AHDC1: variants seen among roughly 807,000 people sequenced by gnomAD.
AHDC1 encodes the protein AT-hook DNA binding motif containing 1, also known as transcription factor Gibbin.
Under a neutral mutation model 87.9 loss-of-function variants are expected in AHDC1, and 7 were observed. The ratio of observed to expected loss-of-function variants is 0.08; its 90% CI spans 0.05 to 0.15. AHDC1 has a LOEUF of 0.15. Ranked by LOEUF, AHDC1 falls within the 10% of genes least tolerant of loss-of-function variation. The pLI, the probability that AHDC1 is intolerant of heterozygous loss-of-function variation, is 1.00. For missense variants in AHDC1, 1,841 were observed against 2,253.2 expected (o/e 0.82, Z 3.70); for synonymous variants, 1,051 against 1,006.8 (o/e 1.04, Z -0.83).
chr1:27,557,424 C>T (rs564798849), intron 5 of AHDC1, among the ~76,000 whole-genome samples: 133 of 152,132 alleles, frequency 8.7e-4, no homozygotes, highest in African/African-American at 2.9e-3. Flanking sequence ...CACGCCCCCC[C>T]GCTCCCCGCC....
chr1:27,575,663 C>G (rs1213266480), intron 3 of AHDC1, among the ~76,000 whole-genome samples: 1 of 151,724 alleles, frequency 6.6e-6, no homozygotes, highest in South Asian at 2.1e-4. Context: ...GCCGGCCGGC[C>G]GCGCGGCCCG....
In AHDC1 at chr1:27,595,589, C is replaced by T. The variant is rs1322311457; in HGVS notation, c.-629+7808G>A. On this transcript the variant is annotated intron_variant, in intron 3 of 8. Coordinates refer to ENST00000673934, the MANE Select transcript of AHDC1 (RefSeq NM_001371928.1). The surrounding 1 kb of genome is among the most constrained non-coding windows in gnomAD (Gnocchi z 4.0). ...AAGGTGTTGTGGTTGGTGGAGGATG[C>T]ACTGTGGTTTTGGGGAGGAGCTGGG... 2.0e-5 allele frequency among the ~76,000 whole-genome samples: 3 copies of T among 151,568 alleles called. No homozygotes were observed. Among genetic ancestry groups the T allele is most frequent in the East Asian group, 1.9e-4 (1 of 5,178 alleles).
intron 8 of AHDC1, among the ~76,000 whole-genome samples, chr1:27,542,016 C>A (rs1557649903): frequency 6.6e-6 from 1 of 152,238 alleles, no homozygotes; most frequent in Non-Finnish European, 1.5e-5. Flanking sequence ...ACCTGCAGCA[C>A]TGGATACAAT....
At chr1:27,572,270 G>C (rs1023169647) in intron 3 of AHDC1, among the ~76,000 whole-genome samples, 4 of 152,112 alleles carry the variant, frequency 2.6e-5, no homozygotes, top group Non-Finnish European at 5.9e-5. Flanking sequence ...TGAGAGTGAG[G>C]GGGCTTGAGG....
intron 3 of AHDC1, among the ~76,000 whole-genome samples, chr1:27,601,682 G>A (rs1286487792): frequency 6.6e-6 from 1 of 152,198 alleles, no homozygotes; most frequent in African/African-American, 2.4e-5. Flanking sequence ...GCCACCTGGG[G>A]GGTCCCCCCA....
Position 27,549,194 on chromosome 1 carries a change from A to G in AHDC1, c.2922T>C (p.Tyr974=), listed in dbSNP as rs780536761. The G allele has an allele frequency of 1.4e-5, 23 of 1,593,754 alleles. No homozygotes were observed. The highest frequency in any genetic ancestry group is 3.4e-5 in the South Asian group (3 of 89,018). Residue 974 remains tyrosine (Y), a synonymous_variant, in exon 8 of 9, where the codon TAT becomes TAC. Coordinates refer to ENST00000673934, the MANE Select transcript of AHDC1 (RefSeq NM_001371928.1). ...GGGCGAATACGCTTTGTCCGGCCCC[A>G]TAGCCGCCGTACTGGGGCAGGTAGG... ...ANTYLPQYGG[Y]GAGQSVFAPT... is the part of the protein sequence containing the mutation.
chr1:27,601,306 G>A (rs2089522846), intron 3 of AHDC1, among the ~76,000 whole-genome samples: 1 of 152,266 alleles, frequency 6.6e-6, no homozygotes, highest in Admixed American at 6.5e-5. Context: ...TGAGGGCTTG[G>A]GCACAGTTAG....
In AHDC1 at chr1:27,591,430, A is replaced by C. The variant is rs1447121535; in HGVS notation, c.-629+11967T>G. Among the ~76,000 whole-genome samples, 4 of 152,208 alleles carry C rather than the reference A, an allele frequency of 2.6e-5. No homozygotes were observed. In the South Asian group the frequency reaches 8.3e-4, roughly 31 times the overall value. ...CTCTGGGCCTCAGCCTTCCCACTGC[A>C]CAATGCAGAAAGTGGCTCAGATATC... On this transcript the variant is annotated intron_variant, in intron 3 of 8. Transcript: ENST00000673934.
intron 3 of AHDC1, among the ~76,000 whole-genome samples, chr1:27,574,676 G>A (rs976204302): frequency 1.3e-5 from 2 of 152,202 alleles, no homozygotes; most frequent in African/African-American, 4.8e-5. Context: ...ACCATCAGAT[G>A]GGGAAGATGC....
At chr1:27,578,230 CATT>C (rs1226823060) in intron 3 of AHDC1, among the ~76,000 whole-genome samples, 6 of 152,054 alleles carry the variant, frequency 3.9e-5, no homozygotes, top group Admixed American at 6.5e-5. Flanking sequence ...TAAAATACCT[CATT>C]AATAATTTTT....
Position 27,552,012 on chromosome 1 carries a change from G to C in AHDC1, c.104C>G (p.Pro35Arg). ...GGGCCGGGTGGGAAGCAGGGGCCGG[G>C]GGGTGGGGGGGCCGCCGGGGTAGTA... Reference protein sequence around the residue: ...PKYYPGGPPTPRPLLPTRPPA... With the variant: ...PKYYPGGPPTRRPLLPTRPPA... The change falls in exon 8 of 9, where the codon CCC becomes CGC. Residue 35 changes from proline to arginine, a missense_variant. Around this residue, in one of 13 missense-constraint regions of AHDC1, gnomAD observed 142 missense variants for 165.6 expected, o/e 0.86. Coordinates refer to ENST00000673934, the MANE Select transcript of AHDC1 (RefSeq NM_001371928.1). 6.8e-7 allele frequency: 1 copy of C among 1,473,536 alleles called. No individual in the cohort carries two copies. Among genetic ancestry groups the C allele is most frequent in the Non-Finnish European group, 9.0e-7 (1 of 1,113,764 alleles). 91.3% of individuals were successfully genotyped at this position (1,473,536 alleles called of 1,614,324 possible).
At chr1:27,577,640 G>A (rs1571310644) in intron 3 of AHDC1, among the ~76,000 whole-genome samples, 2 of 152,280 alleles carry the variant, frequency 1.3e-5, no homozygotes, top group East Asian at 1.9e-4. Context: ...ACTCCGCCCC[G>A]GAAACCTGGC....
In AHDC1 at chr1:27,550,522, C is replaced by T. The variant is rs751492365; in HGVS notation, c.1594G>A (p.Val532Met). 1 of 1,610,882 alleles carries T rather than the reference C, an allele frequency of 6.2e-7. No individual in the cohort carries two copies. The highest frequency in any genetic ancestry group is 8.5e-7 in the Non-Finnish European group (1 of 1,177,542). ...GGCATCTCACCGGGTGGGAAGACCA[C>T]TACCACGTTCCGCCCATTGTTCTTC... is the stretch of plus-strand genomic sequence containing the variant. ...KMKNNGRNVV[V>M]VFPPGEMPII... The change falls in exon 8 of 9, where the codon GTG becomes ATG. Residue 532 changes from valine (V) to methionine (M), a missense_variant. Val to Met is a conservative substitution (Grantham distance 21, BLOSUM62 1). Transcript: ENST00000673934.
intron 8 of AHDC1, among the ~76,000 whole-genome samples, chr1:27,539,281 A>C (rs1357661367): frequency 1.3e-5 from 2 of 151,022 alleles, no homozygotes; most frequent in African/African-American, 4.9e-5. Context: ...CTGGGACTAC[A>C]TGTGCATGCT....
chr1:27,552,030 G>A lies in AHDC1; in HGVS notation c.86C>T (p.Pro29Leu). ...PDYLREPKYY[P>L]GGPPTPRPLL... is the part of the protein sequence containing the mutation. Reference sequence around the variant, plus strand: ...GGGCCGGGGGGTGGGGGGGCCGCCGGGGTAGTACTTGGGTTCCCGGAGGTA... The same window carrying A: ...GGGCCGGGGGGTGGGGGGGCCGCCGAGGTAGTACTTGGGTTCCCGGAGGTA... Residue 29 changes from proline (P) to leucine (L), a missense_variant, in exon 8 of 9, where the codon CCC (proline) becomes CTC (leucine). This residue lies in a region of AHDC1 where 142 missense variants were observed against 165.6 expected (regional missense o/e 0.86). Coordinates refer to ENST00000673934, the MANE Select transcript of AHDC1 (RefSeq NM_001371928.1). 6.7e-7 allele frequency: 1 copy of A among 1,489,292 alleles called. No homozygotes were observed. The highest frequency in any genetic ancestry group is 8.9e-7 in the Non-Finnish European group (1 of 1,121,232). The allele number at this position is 1,489,292 out of a possible 1,614,324, so 92.3% of individuals were successfully genotyped here.
rs1274618935 is a variant in AHDC1 at position 27,590,238 on chromosome 1, CG to C, written c.-629+13158del. Among the ~76,000 whole-genome samples, 2 of 152,198 alleles carry C rather than the reference CG, an allele frequency of 1.3e-5. No homozygotes were observed. Among genetic ancestry groups the C allele is most frequent in the South Asian group, 2.1e-4 (1 of 4,832 alleles). ...CGCCTGCTGGAGACCCGCCCTCACCCGCCAGGATGCCTGGGTCCCTGGGGCC... is the reference window on the plus strand; with the variant it reads ...CGCCTGCTGGAGACCCGCCCTCACCCCCAGGATGCCTGGGTCCCTGGGGCC... On this transcript the variant is annotated intron_variant, in intron 3 of 8. Coordinates refer to ENST00000673934, the MANE Select transcript of AHDC1 (RefSeq NM_001371928.1). This position sits in a 1 kb window ranked among gnomAD's most constrained non-coding sequence, Gnocchi z 5.4.
At chr1:27,604,181 A>G (rs1307882863), upstream of AHDC1, 1 of 150,824 alleles carries the variant, frequency 6.6e-6, no homozygotes, top group Non-Finnish European at 1.5e-5. Context: ...ACCATCCGGA[A>G]CCCCAGGGGG....
intron 3 of AHDC1, among the ~76,000 whole-genome samples, chr1:27,592,657 T>G (rs1459997648): frequency 1.4e-5 from 2 of 143,840 alleles, no homozygotes; most frequent in Non-Finnish European, 3.0e-5. Context: ...AGGAGGGGGC[T>G]CCCCAGCTGG....
chr1:27,577,719 C>T (rs1022952988), intron 3 of AHDC1, among the ~76,000 whole-genome samples: 2 of 152,312 alleles, frequency 1.3e-5, no homozygotes, highest in African/African-American at 4.8e-5. Context: ...GCAGCTGGCT[C>T]GGAGGGGTGG....
Sources: gnomAD v4.1 joint callset for allele counts (sites outside exome capture counted in the v4.1 genomes callset) on GRCh38, gnomAD v4.1.1 for gene constraint, gnomAD v4.1.1 regional missense constraint, Gnocchi (gnomAD v3.1) non-coding constraint, MANE v1.5 for transcripts, NCBI Gene and HGNC (gene_info 2026-07-23, HGNC 2026-07-21) for gene names.